C3orf33: variants seen among roughly 807,000 people sequenced by gnomAD.
C3orf33 encodes AP-1 activity suppressor.
A neutral mutation model predicts 28.7 loss-of-function variants in C3orf33; 23 were observed. The ratio of observed to expected loss-of-function variants is 0.80; its 90% confidence interval spans 0.58 to 1.13. The LOEUF is 1.13. Ranked by LOEUF, C3orf33 falls within the 50% of genes most tolerant of loss-of-function variation. The pLI is 0.00. For synonymous variants in C3orf33, 119 were observed against 120.5 expected (o/e 0.99, Z 0.08); for missense variants, 327 against 353.4 (o/e 0.93, Z 0.60).
At chr3:155,767,400 CA>C (rs904211966) in intron 4 of C3orf33, 108 bp downstream of exon 4, 152 of 799,862 alleles carry the variant, frequency 1.9e-4, no homozygotes, top group South Asian at 4.4e-4. Flanking sequence ...GTTTAAAAGG[CA>C]AAAAAAAGTC....
At chr3:155,778,472 G>A (rs1750820378) in intron 2 of C3orf33, among the ~76,000 whole-genome samples, 1 of 152,210 alleles carries the variant, frequency 6.6e-6, no homozygotes, top group South Asian at 2.1e-4. Context: ...AAGGAAGAGA[G>A]AATACAACTG....
intron 1 of C3orf33, among the ~76,000 whole-genome samples, chr3:155,802,832 T>A (rs1751689338): frequency 6.6e-6 from 1 of 152,072 alleles, no homozygotes; most frequent in Non-Finnish European, 1.5e-5. Flanking sequence ...GACATTTATA[T>A]ATATATTTAA....
chr3:155,769,903 C>T (rs1481622922), intron 3 of C3orf33, among the ~76,000 whole-genome samples: 2 of 152,332 alleles, frequency 1.3e-5, no homozygotes, highest in East Asian at 3.9e-4. Flanking sequence ...GATCCCCAAC[C>T]TCCACCTATT....
At chr3:155,771,588 G>A (rs570589032) in intron 3 of C3orf33, among the ~76,000 whole-genome samples, 2 of 152,232 alleles carry the variant, frequency 1.3e-5, no homozygotes, top group African/African-American at 2.4e-5. Context: ...GTGGAGACAG[G>A]GTTTCACAAT....
chr3:155,769,190 T>C (rs1750500762), intron 3 of C3orf33, among the ~76,000 whole-genome samples: 1 of 151,994 alleles, frequency 6.6e-6, no homozygotes, highest in African/African-American at 2.4e-5. Context: ...CACATGCCTG[T>C]AATCTCAGCT....
At chr3:155,802,501 G>C in intron 2 of C3orf33, 31 bp downstream of exon 2, 2 of 1,546,206 alleles carry the variant, frequency 1.3e-6, no homozygotes, top group Non-Finnish European at 1.8e-6. Flanking sequence ...CCTACGGCTT[G>C]TTGTAATGTC....
intron 2 of C3orf33, among the ~76,000 whole-genome samples, chr3:155,794,004 CAG>C (rs1028344875): frequency 2.0e-5 from 3 of 150,040 alleles, no homozygotes; most frequent in African/African-American, 7.3e-5. Flanking sequence ...TTTTTTGAGA[CAG>C]AGTCTCACTC....
chr3:155,793,384 A>G (rs1751373884), intron 2 of C3orf33, among the ~76,000 whole-genome samples: 1 of 144,668 alleles, frequency 6.9e-6, no homozygotes, highest in South Asian at 2.2e-4. Context: ...TAAAAAAAAA[A>G]GAAAGAAAAA....
intron 2 of C3orf33, among the ~76,000 whole-genome samples, chr3:155,778,512 G>A (rs1220769208): frequency 5.3e-5 from 8 of 152,288 alleles, no homozygotes; most frequent in African/African-American, 1.9e-4. Flanking sequence ...GGTGAATCTA[G>A]GTGAAAGGAA....
At chr3:155,790,035 AT>A (rs1290178950) in intron 2 of C3orf33, among the ~76,000 whole-genome samples, 1 of 151,844 alleles carries the variant, frequency 6.6e-6, no homozygotes, top group Non-Finnish European at 1.5e-5. Context: ...GTAGTGGCGC[AT>A]GCCTGTAGTC....
intron 1 of C3orf33, chr3:155,805,774 G>A (rs1751791546): frequency 3.4e-5 from 17 of 496,340 alleles, no homozygotes; most frequent in South Asian, 2.2e-4. Flanking sequence ...TCTCTCCCAA[G>A]GCGTACAGGA....
chr3:155,763,398 A>C lies in C3orf33; in HGVS notation c.*119T>G. 1.7e-6 allele frequency: 1 copy of C among 575,070 alleles called. No homozygotes were observed. The highest frequency in any genetic ancestry group is 2.7e-6 in the Non-Finnish European group (1 of 367,942). 35.6% of individuals were successfully genotyped at this position (575,070 alleles called of 1,614,324 possible). ...AATCATCTCTTTTTAATATTTAAAT[A>C]CCATTGGACTAACACTTTGATCATT... On this transcript the variant is annotated 3_prime_UTR_variant, in exon 5 of 5. Coordinates refer to ENST00000340171, the MANE Select transcript of C3orf33 (RefSeq NM_001308229.2).
At position 155,789,702 on chromosome 3, in the gene C3orf33, T is replaced by A. The variant is rs372232880; in HGVS notation, c.174+12830A>T. Among the ~76,000 whole-genome samples, 17 of 152,268 alleles carry A rather than the reference T, an allele frequency of 1.1e-4. No individual in the cohort carries two copies. In the East Asian group the frequency reaches 3.3e-3, roughly 29 times the overall value. ...AAGAACAAAATTAGAAGACTCACAC[T>A]TCCTGATTTCAAAACATATTTAGAA... On this transcript the variant is annotated intron_variant, in intron 2 of 4. Transcript: ENST00000340171.
chr3:155,763,860 G>T lies in C3orf33; in HGVS notation c.542C>A (p.Thr181Asn). 1 of 1,526,530 alleles carries T rather than the reference G, an allele frequency of 6.6e-7. No homozygotes were observed. Among genetic ancestry groups the T allele is most frequent in the East Asian group, 2.3e-5 (1 of 42,654 alleles). 94.6% of individuals were successfully genotyped at this position (1,526,530 alleles called of 1,614,324 possible). Residue 181 changes from threonine to asparagine, a missense_variant, in exon 5 of 5, where the codon ACT becomes AAT. Transcript: ENST00000340171. ...EEILRRGLGK[T>N]VLVKGLKYDS... ...ATATTTAAGCCCTTTAACAAGAACA[G>T]TTTTGCCAAGGCCTCTTCTCAAAAT...
chr3:155,770,001 C>T (rs538514405), intron 3 of C3orf33, among the ~76,000 whole-genome samples: 1 of 152,252 alleles, frequency 6.6e-6, no homozygotes, highest in African/African-American at 2.4e-5. Flanking sequence ...TTTGCATACT[C>T]ACAAACCAAT....
intron 2 of C3orf33, among the ~76,000 whole-genome samples, chr3:155,801,022 G>A (rs1242924894): frequency 1.3e-5 from 2 of 152,112 alleles, no homozygotes; most frequent in South Asian, 2.1e-4. Flanking sequence ...CAGTATGGCA[G>A]TTACTCAAAA....
chr3:155,774,203 A>G (rs139821729), intron 3 of C3orf33, among the ~76,000 whole-genome samples: 2,150 of 152,286 alleles, frequency 0.014, 23 homozygotes, highest in Non-Finnish European at 0.022. Context: ...AAAAAGGAAA[A>G]ACTCCTTGCC....
Position 155,778,614 on chromosome 3 carries a change from C to T in C3orf33, c.175-2766G>A, listed in dbSNP as rs1200737368. Among the ~76,000 whole-genome samples the T allele has an allele frequency of 3.3e-5, 5 of 152,062 alleles. 1 individual carries two copies. Among genetic ancestry groups the T allele is most frequent in the Non-Finnish European group, 7.4e-5 (5 of 68,016 alleles). ...TATTCACTCAAGAATGTGAAATATG[C>T]AGAATATAAATGAAAGAGAGGAGAA... On this transcript the variant is annotated intron_variant, in intron 2 of 4. Coordinates refer to ENST00000340171, the MANE Select transcript of C3orf33 (RefSeq NM_001308229.2).
At chr3:155,797,847 G>T (rs1297944925) in intron 2 of C3orf33, among the ~76,000 whole-genome samples, 1 of 152,074 alleles carries the variant, frequency 6.6e-6, no homozygotes, top group African/African-American at 2.4e-5. Context: ...GAGGTGGGCA[G>T]ATCACTTGAG....
Sources: gnomAD v4.1 joint callset for allele counts (sites outside exome capture counted in the v4.1 genomes callset) on GRCh38, gnomAD v4.1.1 for gene constraint, MANE v1.5 for transcripts, NCBI Gene and HGNC (gene_info 2026-07-23, HGNC 2026-07-21) for gene names.